The following MECOM variants were observed in gnomAD, a reference collection of about 807,000 sequenced individuals.
The protein encoded by MECOM is MDS1 and EVI1 complex locus.
MECOM carries 13 observed loss-of-function variants against 116.3 expected under a neutral mutation model. The ratio of observed to expected loss-of-function variants is 0.11; its 90% CI spans 0.07 to 0.18. MECOM has a LOEUF of 0.18. MECOM is among the 10% of genes least tolerant of loss of function. MECOM has a pLI of 1.00. For synonymous variants in MECOM, 528 were observed against 535.2 expected (o/e 0.99, Z 0.19); for missense variants, 1,299 against 1,509.0 (o/e 0.86, Z 2.31).
intron 1 of MECOM, among the ~76,000 whole-genome samples, chr3:169,387,863 A>G (rs761678684): frequency 1.3e-5 from 2 of 152,152 alleles, no homozygotes; most frequent in African/African-American, 4.8e-5. Flanking sequence ...GAGGAGCTCA[A>G]CTAGGGAATT....
chr3:169,198,752 C>G (rs928423339), intron 2 of MECOM, among the ~76,000 whole-genome samples: 3 of 151,818 alleles, frequency 2.0e-5, no homozygotes, highest in Non-Finnish European at 2.9e-5. Context: ...GACAGAATAC[C>G]ACACATAACA....
intron 2 of MECOM, among the ~76,000 whole-genome samples, chr3:169,202,157 T>C (rs997391643): frequency 1.3e-5 from 2 of 152,154 alleles, no homozygotes; most frequent in Non-Finnish European, 2.9e-5. Flanking sequence ...TACTTTCCTT[T>C]TTCTTGAAAA....
intron 1 of MECOM, among the ~76,000 whole-genome samples, chr3:169,409,565 C>A (rs1737227259): frequency 6.6e-6 from 1 of 152,210 alleles, no homozygotes; most frequent in African/African-American, 2.4e-5. Flanking sequence ...TTTCAAGATT[C>A]TGCCTGCTTT....
At chr3:169,263,118 T>C (rs1560061037) in intron 2 of MECOM, among the ~76,000 whole-genome samples, 15 of 96,132 alleles carry the variant, frequency 1.6e-4, no homozygotes, top group African/African-American at 5.3e-4. Flanking sequence ...TATATATATA[T>C]ATATATATAT....
chr3:169,496,173 TG>T (rs1036496269), intron 1 of MECOM, among the ~76,000 whole-genome samples: 3 of 152,188 alleles, frequency 2.0e-5, no homozygotes, highest in Non-Finnish European at 4.4e-5. Context: ...TTCTCACCAT[TG>T]AAAACATATT....
rs183144454 is a variant in MECOM at position 169,450,109 on chromosome 3, A to G, written c.38-68585T>C. Among the ~76,000 whole-genome samples, 25 of 152,300 alleles carry G rather than the reference A, an allele frequency of 1.6e-4. 1 individual carries two copies. Among genetic ancestry groups the G allele is most frequent in the African/African-American group, 5.8e-4 (24 of 41,580 alleles). ...AAAGAATATTTCCCTCTAAAATGGC[A>G]TTACGGACTTTAAAGAAATTTTTTC... On this transcript the variant is annotated intron_variant, in intron 1 of 16. Transcript: ENST00000651503.
chr3:169,114,758 T>G (rs1728583620), intron 8 of MECOM, among the ~76,000 whole-genome samples: 1 of 152,196 alleles, frequency 6.6e-6, no homozygotes, highest in African/African-American at 2.4e-5. Flanking sequence ...TTATTAAACT[T>G]GTATGTTTCA....
chr3:169,214,454 T>C (rs1401196596), intron 2 of MECOM, among the ~76,000 whole-genome samples: 1 of 151,608 alleles, frequency 6.6e-6, no homozygotes, highest in Non-Finnish European at 1.5e-5. Context: ...AAACTCATTC[T>C]AGGAAACTCC....
intron 2 of MECOM, among the ~76,000 whole-genome samples, chr3:169,192,455 C>T (rs1747835705): frequency 6.6e-6 from 1 of 151,948 alleles, no homozygotes; most frequent in Admixed American, 6.6e-5. Flanking sequence ...TGTATTTTAT[C>T]TACCATGTGG....
At position 169,516,289 on chromosome 3, in the gene MECOM, G is replaced by A. The variant is rs1299382301; in HGVS notation, c.38-134765C>T. Among the ~76,000 whole-genome samples the A allele has an allele frequency of 3.3e-5, 5 of 152,266 alleles. 1 individual carries two copies. Among genetic ancestry groups the A allele is most frequent in the South Asian group, 4.1e-4 (2 of 4,824 alleles). On this transcript the variant is annotated intron_variant, in intron 1 of 16. Transcript: ENST00000651503. ...TCTACCACTATTTGATAGAAAATAC[G>A]TGAAAAGTTTTCATACGACATTACC...
intron 1 of MECOM, among the ~76,000 whole-genome samples, chr3:169,575,081 C>T (rs1764333382): frequency 6.6e-6 from 1 of 152,156 alleles, no homozygotes; most frequent in Non-Finnish European, 1.5e-5. Flanking sequence ...AAAACTTACA[C>T]TTGGCCTTTG....
chr3:169,158,024 G>A (rs1490031893), intron 2 of MECOM, among the ~76,000 whole-genome samples: 2 of 152,108 alleles, frequency 1.3e-5, no homozygotes, highest in African/African-American at 4.8e-5. Flanking sequence ...TCATACTTTT[G>A]TCTAATATTA....
intron 7 of MECOM, chr3:169,120,813 AT>A: frequency 3.0e-6 from 1 of 331,116 alleles, no homozygotes; most frequent in Non-Finnish European, 5.4e-6. Flanking sequence ...TATCTAATGA[AT>A]TTTCTTTTCT....
intron 1 of MECOM, among the ~76,000 whole-genome samples, chr3:169,550,480 A>G (rs1307245689): frequency 2.0e-5 from 3 of 152,358 alleles, no homozygotes; most frequent in East Asian, 3.9e-4. Flanking sequence ...TGAATATGAG[A>G]GCTTCTAGTG....
chr3:169,304,730 C>T (rs548571861), intron 2 of MECOM, among the ~76,000 whole-genome samples: 3 of 152,096 alleles, frequency 2.0e-5, no homozygotes, highest in Non-Finnish European at 4.4e-5. Flanking sequence ...TTAAGAAAGC[C>T]TTTCATTAGT....
chr3:169,653,376 T>C (rs762906448), intron 1 of MECOM, among the ~76,000 whole-genome samples: 2 of 152,120 alleles, frequency 1.3e-5, no homozygotes, highest in Admixed American at 6.5e-5. Context: ...AAATAAGATA[T>C]ATACCATGAA....
At chr3:169,349,151 A>G (rs1056097257) in intron 2 of MECOM, among the ~76,000 whole-genome samples, 1 of 148,114 alleles carries the variant, frequency 6.8e-6, no homozygotes, top group Non-Finnish European at 1.5e-5. Flanking sequence ...TATTTTAAGG[A>G]GCCCTAAGAT....
intron 2 of MECOM, among the ~76,000 whole-genome samples, chr3:169,159,630 G>A (rs1742545228): frequency 6.6e-6 from 1 of 152,106 alleles, no homozygotes; most frequent in South Asian, 2.1e-4. Flanking sequence ...TTGAGGTGAA[G>A]TATATAAAGC....
At chr3:169,199,519 T>A (rs1428873576) in intron 2 of MECOM, among the ~76,000 whole-genome samples, 1 of 152,036 alleles carries the variant, frequency 6.6e-6, no homozygotes, top group Non-Finnish European at 1.5e-5. Context: ...CCTCAAGTGA[T>A]CCTCCTGCCT....
Sources: gnomAD v4.1 joint callset for allele counts (sites outside exome capture counted in the v4.1 genomes callset) on GRCh38, gnomAD v4.1.1 for gene constraint, MANE v1.5 for transcripts, NCBI Gene and HGNC (gene_info 2026-07-23, HGNC 2026-07-21) for gene names.